The following BAG4 variants were observed in gnomAD, a reference collection of about 807,000 sequenced individuals.
BAG4 encodes BAG cochaperone 4.
BAG4 carries 28 observed loss-of-function variants against 52.1 expected under a neutral mutation model. That is an observed-to-expected ratio of 0.54 (90% CI 0.40 to 0.74). The LOEUF is 0.74. Among genes scored for constraint, BAG4 ranks in the 30% least tolerant of loss-of-function variants. The probability of loss-of-function intolerance (pLI) is 0.00; values close to 1 mark genes in which losing one functional copy is unlikely to be tolerated. For synonymous variants in BAG4, 208 were observed against 217.0 expected (o/e 0.96, Z 0.37); for missense variants, 525 against 572.0 (o/e 0.92, Z 0.84).
chr8:38,200,050 G>A (rs1803634968), intron 2 of BAG4, among the ~76,000 whole-genome samples: 1 of 150,906 alleles, frequency 6.6e-6, no homozygotes. Flanking sequence ...CTGTCGCCCA[G>A]GATGGAGTGT....
At chr8:38,205,202 A>ATTTTTTTTTTTTTTTTTTT (rs35284937) in intron 2 of BAG4, among the ~76,000 whole-genome samples, 1 of 79,240 alleles carries the variant, frequency 1.3e-5, no homozygotes, top group Non-Finnish European at 2.3e-5. Context: ...CAGCTAATTA[A>ATTTTTTTTTTTTTTTTTTT]TTTTTTTTTT....
intron 2 of BAG4, among the ~76,000 whole-genome samples, chr8:38,206,832 G>A (rs1442565139): frequency 6.6e-6 from 1 of 151,992 alleles, no homozygotes; most frequent in African/African-American, 2.4e-5. Context: ...CCAGGCTGGA[G>A]TGCAGTGGTA....
rs534307456 is a variant in BAG4 at position 38,194,616 on chromosome 8, G to A, written c.378+1821G>A. 7.0e-4 allele frequency among the ~76,000 whole-genome samples: 105 copies of A among 149,752 alleles called. No individual in the cohort carries two copies. In the South Asian group the frequency reaches 0.016, roughly 23 times the overall value. ...TTTTTAATAGAGATGGGGTTTCACCGTGTTGGCCAGGCTGGTCTCGAACTC... is the reference window on the plus strand; with the variant it reads ...TTTTTAATAGAGATGGGGTTTCACCATGTTGGCCAGGCTGGTCTCGAACTC... On this transcript the variant is annotated intron_variant, in intron 2 of 4. Coordinates refer to ENST00000287322, the MANE Select transcript of BAG4 (RefSeq NM_004874.4).
At chr8:38,207,398 G>A in intron 2 of BAG4, 114 bp from the exon 3 acceptor site, 2 of 1,192,608 alleles carry the variant, frequency 1.7e-6, no homozygotes, top group Non-Finnish European at 1.2e-6. Flanking sequence ...CACTGTGCCT[G>A]GCCTGCATTA....
chr8:38,210,505 A>C lies in BAG4; in HGVS notation c.*12A>C. The C allele has an allele frequency of 6.4e-7, 1 of 1,553,076 alleles. No homozygotes were observed. Among genetic ancestry groups the C allele is most frequent in the South Asian group, 1.2e-5 (1 of 80,032 alleles). ...AAAAAGGATTATGAAAGGATTTAGAACAAAGTGGAAGCCTGTTACTAACTT... is the reference window on the plus strand; with the variant it reads ...AAAAAGGATTATGAAAGGATTTAGACCAAAGTGGAAGCCTGTTACTAACTT... On this transcript the variant is annotated 3_prime_UTR_variant, in exon 5 of 5. Coordinates refer to ENST00000287322, the MANE Select transcript of BAG4 (RefSeq NM_004874.4).
At chr8:38,183,327 A>G (rs535233720) in intron 1 of BAG4, among the ~76,000 whole-genome samples, 2 of 152,200 alleles carry the variant, frequency 1.3e-5, no homozygotes, top group African/African-American at 4.8e-5. Context: ...GATTACAGGC[A>G]TGAGCCACTG....
chr8:38,181,227 C>G (rs901454649), intron 1 of BAG4, among the ~76,000 whole-genome samples: 10 of 147,218 alleles, frequency 6.8e-5, no homozygotes, highest in African/African-American at 2.7e-4. Context: ...CCGCGCCCAG[C>G]CTTTTTTTTT....
At chr8:38,205,863 A>T (rs1157164969) in intron 2 of BAG4, among the ~76,000 whole-genome samples, 1 of 152,062 alleles carries the variant, frequency 6.6e-6, no homozygotes, top group Non-Finnish European at 1.5e-5. Context: ...AATTAATAGA[A>T]CACGTTGAGG....
intron 2 of BAG4, 70 bp downstream of exon 2, chr8:38,192,865 G>A (rs1209343871): frequency 7.4e-6 from 9 of 1,224,442 alleles, no homozygotes; most frequent in East Asian, 7.3e-5. Flanking sequence ...AACCTGTGCA[G>A]ATTTTAGAGC....
intron 4 of BAG4, 122 bp downstream of exon 4, chr8:38,209,389 T>C (rs1227710287): frequency 7.5e-6 from 10 of 1,341,288 alleles, no homozygotes; most frequent in Non-Finnish European, 1.0e-5. Context: ...TGGTGACTAC[T>C]TATCTATAGC....
chr8:38,178,245 TC>T (rs1803202970), intron 1 of BAG4, among the ~76,000 whole-genome samples: 1 of 148,650 alleles, frequency 6.7e-6, no homozygotes, highest in Non-Finnish European at 1.5e-5. Flanking sequence ...AACCTCCGCC[TC>T]CCGGTTTAAG....
chr8:38,190,072 G>A (rs1159387983), intron 1 of BAG4, among the ~76,000 whole-genome samples: 5 of 152,020 alleles, frequency 3.3e-5, no homozygotes, highest in African/African-American at 4.8e-5. Context: ...GGTGTGAGCC[G>A]CTGCACCCAG....
At chr8:38,192,914 C>T in intron 2 of BAG4, 119 bp downstream of exon 2, 1 of 621,334 alleles carries the variant, frequency 1.6e-6, no homozygotes. Context: ...CTTTAATGGG[C>T]TCCATCAATC....
chr8:38,202,059 A>G, intron 2 of BAG4: 1 of 151,222 alleles, frequency 6.6e-6, no homozygotes, highest in Middle Eastern at 3.2e-3. Context: ...TTCTTTAACT[A>G]ATAGTGTGGA....
Position 38,209,191 on chromosome 8 carries a change from T to A in BAG4, c.812T>A (p.Met271Lys). The change falls in exon 4 of 5, where the codon ATG (methionine) becomes AAG (lysine). Residue 271 changes from methionine (M) to lysine (K), a missense_variant. Transcript: ENST00000287322. Reference protein sequence around the residue: ...APSAPPGNLYMTESTSPWPSS... With the variant: ...APSAPPGNLYKTESTSPWPSS... ...TCAGCACCACCCGGCAATCTCTACATGACTGAAAGTACTTCACCATGGCCT... is the reference window on the plus strand; with the variant it reads ...TCAGCACCACCCGGCAATCTCTACAAGACTGAAAGTACTTCACCATGGCCT... 1 of 1,614,190 alleles carries A rather than the reference T, an allele frequency of 6.2e-7. No homozygotes were observed. The highest frequency in any genetic ancestry group is 8.5e-7 in the Non-Finnish European group (1 of 1,180,032).
intron 2 of BAG4, among the ~76,000 whole-genome samples, chr8:38,201,449 G>C (rs1320628799): frequency 6.6e-6 from 1 of 152,002 alleles, no homozygotes; most frequent in East Asian, 1.9e-4. Flanking sequence ...GTACAGGTGC[G>C]TGCAACCACA....
At chr8:38,187,433 G>T (rs1803381435) in intron 1 of BAG4, among the ~76,000 whole-genome samples, 1 of 152,182 alleles carries the variant, frequency 6.6e-6, no homozygotes, top group Admixed American at 6.6e-5. Context: ...AGACTGATGT[G>T]TTGGAGAAGT....
Position 38,210,304 on chromosome 8 carries a change from A to G in BAG4, c.1185A>G (p.Gln395=). Residue 395 remains glutamine, a synonymous_variant, in exon 5 of 5, where the codon CAA becomes CAG. Transcript: ENST00000287322. ...TGGAGAAGGTCCAGTATCTTGAACA[A>G]GAAGTAGAAGAATTTGTAGGAAAAA... ...HVLEKVQYLE[Q]EVEEFVGKKT... The G allele has an allele frequency of 6.2e-7, 1 of 1,614,198 alleles. No individual in the cohort carries two copies. The highest frequency in any genetic ancestry group is 1.1e-5 in the South Asian group (1 of 91,070).
rs745554122 is a variant in BAG4 at position 38,210,248 on chromosome 8, C to T, written c.1129C>T (p.Pro377Ser). The T allele has an allele frequency of 1.2e-6, 2 of 1,614,056 alleles. No homozygotes were observed. The highest frequency in any genetic ancestry group is 8.5e-7 in the Non-Finnish European group (1 of 1,180,030). The change falls in exon 5 of 5, where the codon CCT becomes TCT. Residue 377 changes from proline (P) to serine (S), a missense_variant. Physicochemically the swap from Pro to Ser is moderately conservative, Grantham distance 74. Coordinates refer to ENST00000287322, the MANE Select transcript of BAG4 (RefSeq NM_004874.4). ...ATGTGTACCTTCAGATGAAAGTACT[C>T]CTCCGAGTATTAAAAAAATCATACA... Reference protein sequence around the residue: ...EECVPSDESTPPSIKKIIHVL... With the variant: ...EECVPSDESTSPSIKKIIHVL...
Sources: gnomAD v4.1 joint callset for allele counts (sites outside exome capture counted in the v4.1 genomes callset) on GRCh38, gnomAD v4.1.1 for gene constraint, MANE v1.5 for transcripts, NCBI Gene and HGNC (gene_info 2026-07-23, HGNC 2026-07-21) for gene names.